STIM2: variants seen among roughly 807,000 people sequenced by gnomAD.
STIM2 encodes stromal interaction molecule 2.
Under a neutral mutation model 85.8 loss-of-function variants are expected in STIM2, and 31 were observed. The ratio of observed to expected loss-of-function variants is 0.36; its 90% CI spans 0.27 to 0.49. STIM2 has a LOEUF of 0.49. Ranked by LOEUF, STIM2 falls within the 20% of genes least tolerant of loss-of-function variation. STIM2 has a pLI of 0.98. For missense variants in STIM2, 841 were observed against 927.6 expected, an observed-to-expected ratio of 0.91 and a Z score of 1.21; for synonymous variants, 356 against 331.1, an observed-to-expected ratio of 1.08 and a Z score of -0.82.
chr4:26,983,554 G>C (rs191009678), intron 3 of STIM2, among the ~76,000 whole-genome samples: 2 of 152,152 alleles, frequency 1.3e-5, no homozygotes, highest in Admixed American at 6.5e-5. Flanking sequence ...TCTGAGTACA[G>C]TTGCCTTGAA....
intron 1 of STIM2, among the ~76,000 whole-genome samples, chr4:26,869,024 GTAGCTTA>G (rs779725660): frequency 5.7e-4 from 86 of 152,166 alleles, no homozygotes; most frequent in Non-Finnish European, 1.1e-3. Context: ...GTCGTACGCT[GTAGCTTA>G]TGCCTGTAAT....
In STIM2 at chr4:26,909,115, G is replaced by A. The variant is rs146451426; in HGVS notation, c.152-10389G>A. ...AAAGATATTTTTGATAACTGTTAAGGTAACAGTAATATAACAAAAAGCTAG... is the reference window on the plus strand; with the variant it reads ...AAAGATATTTTTGATAACTGTTAAGATAACAGTAATATAACAAAAAGCTAG... On this transcript the variant is annotated intron_variant, in intron 1 of 11. Coordinates refer to ENST00000467087, the MANE Select transcript of STIM2 (RefSeq NM_020860.4). 3.2e-4 allele frequency among the ~76,000 whole-genome samples: 48 copies of A among 152,266 alleles called. No homozygotes were observed. The East Asian group carries it at 5.4e-3, about 17-fold the overall frequency.
intron 1 of STIM2, among the ~76,000 whole-genome samples, chr4:26,892,819 A>G (rs1226439763): frequency 6.6e-6 from 1 of 152,172 alleles, no homozygotes; most frequent in Non-Finnish European, 1.5e-5. Context: ...GCTAAAAACA[A>G]ACTACTTCTG....
At chr4:26,962,038 ACCACACCCAGCCT>A (rs1726492774) in intron 3 of STIM2, among the ~76,000 whole-genome samples, 1 of 152,208 alleles carries the variant, frequency 6.6e-6, no homozygotes. Context: ...GGTGGGAGTC[ACCACACCCAGCCT>A]CCTTCTTTAG....
chr4:26,957,775 C>T (rs1195579762), intron 3 of STIM2, 49 bp downstream of exon 3: 2 of 1,183,378 alleles, frequency 1.7e-6, no homozygotes, highest in African/African-American at 3.1e-5. Context: ...CACATCTAGC[C>T]TGCTTAGTTG....
chr4:26,934,671 C>T (rs1255371835), intron 2 of STIM2, among the ~76,000 whole-genome samples: 5 of 152,064 alleles, frequency 3.3e-5, no homozygotes, highest in Admixed American at 2.0e-4. Flanking sequence ...CCCAGCACTT[C>T]GGGAGGCCGA....
chr4:26,895,234 A>G (rs369407862), intron 1 of STIM2, among the ~76,000 whole-genome samples: 1 of 152,182 alleles, frequency 6.6e-6, no homozygotes, highest in Admixed American at 6.5e-5. Context: ...AAATACATAA[A>G]TAAGTATTTG....
At chr4:26,913,035 C>G (rs1724399764) in intron 1 of STIM2, among the ~76,000 whole-genome samples, 1 of 152,288 alleles carries the variant, frequency 6.6e-6, no homozygotes, top group East Asian at 1.9e-4. Flanking sequence ...CCTTACCACT[C>G]TCAGTTGAGA....
At chr4:26,879,652 C>T (rs1414749309) in intron 1 of STIM2, among the ~76,000 whole-genome samples, 1 of 152,092 alleles carries the variant, frequency 6.6e-6, no homozygotes, top group Non-Finnish European at 1.5e-5. Context: ...TGCCCATTAT[C>T]TCATAGATAG....
chr4:27,000,261 C>T (rs1320731837), intron 5 of STIM2, among the ~76,000 whole-genome samples: 1 of 152,050 alleles, frequency 6.6e-6, no homozygotes, highest in Admixed American at 6.6e-5. Flanking sequence ...ACTGGTGGTT[C>T]TTTTTTGGCT....
intron 1 of STIM2, among the ~76,000 whole-genome samples, chr4:26,909,715 T>G (rs906735398): frequency 3.9e-5 from 6 of 152,236 alleles, no homozygotes; most frequent in African/African-American, 1.4e-4. Context: ...TAACCGTTTT[T>G]GAGCATACAA....
At chr4:26,889,542 C>T (rs150475858) in intron 1 of STIM2, among the ~76,000 whole-genome samples, 2 of 152,284 alleles carry the variant, frequency 1.3e-5, no homozygotes, top group Non-Finnish European at 2.9e-5. Flanking sequence ...AACAGTGCCC[C>T]ATTCATGATG....
At chr4:26,970,032 A>G (rs532008731) in intron 3 of STIM2, among the ~76,000 whole-genome samples, 3 of 151,402 alleles carry the variant, frequency 2.0e-5, no homozygotes, top group African/African-American at 7.3e-5. Flanking sequence ...TAATCTTTTT[A>G]TTTAAAATAG....
chr4:26,933,931 C>T (rs1169147443), intron 2 of STIM2, among the ~76,000 whole-genome samples: 1 of 152,062 alleles, frequency 6.6e-6, no homozygotes, highest in Admixed American at 6.6e-5. Context: ...CATTGGCTCA[C>T]GCCTGTAATC....
intron 2 of STIM2, among the ~76,000 whole-genome samples, chr4:26,949,097 C>T (rs1454591505): frequency 6.6e-6 from 1 of 151,994 alleles, no homozygotes; most frequent in East Asian, 1.9e-4. Flanking sequence ...AATAGAATTG[C>T]TTTTCTTTTT....
intron 11 of STIM2, among the ~76,000 whole-genome samples, chr4:27,020,072 C>G (rs1234394811): frequency 2.0e-5 from 3 of 152,186 alleles, no homozygotes; most frequent in Non-Finnish European, 2.9e-5. Flanking sequence ...AAGTGATTTA[C>G]TGAGGCTTTT....
At position 26,860,925 on chromosome 4, in the gene STIM2, T is replaced by TG; in HGVS notation, c.-294_-293insG. On this transcript the variant is annotated 5_prime_UTR_variant, in exon 1 of 12. Coordinates refer to ENST00000467087, the MANE Select transcript of STIM2 (RefSeq NM_020860.4). ...ACGCCGTACCTTTCTACCCCCCACC[T>TG]TTTTTTTTTTTTTTTTTAAATAACC... 1.5e-4 allele frequency: 1 copy of TG among 6,574 alleles called. No individual in the cohort carries two copies. The highest frequency in any genetic ancestry group is 2.8e-4 in the Non-Finnish European group (1 of 3,628). 0.4% of individuals were successfully genotyped at this position (6,574 alleles called of 1,614,324 possible). A position where few individuals can be genotyped will look rare whatever the true frequency, so the allele number is the denominator to read the frequency against.
chr4:27,002,204 A>G lies in STIM2; in HGVS notation c.626-13A>G, dbSNP rs571364383. 5.1e-6 allele frequency: 8 copies of G among 1,577,664 alleles called. No individual in the cohort carries two copies. Among genetic ancestry groups the G allele is most frequent in the Non-Finnish European group, 6.9e-6 (8 of 1,167,476 alleles). On this transcript the variant is annotated splice_polypyrimidine_tract_variant and intron_variant, in intron 5 of 11. Coordinates refer to ENST00000467087, the MANE Select transcript of STIM2 (RefSeq NM_020860.4). ...TCAAAGATTAATTTAATCATCTGTA[A>G]TTCTTTTAATAGGCCCACCTCATAA...
chr4:26,905,106 G>A (rs1469902129), intron 1 of STIM2, among the ~76,000 whole-genome samples: 1 of 152,086 alleles, frequency 6.6e-6, no homozygotes, highest in Non-Finnish European at 1.5e-5. Flanking sequence ...TAGGAAGGAG[G>A]CATTGGAGTT....
Sources: allele counts gnomAD v4.1 joint callset (sites outside exome capture counted in the v4.1 genomes callset), GRCh38; gene constraint gnomAD v4.1.1; transcripts MANE v1.5; gene names NCBI Gene and HGNC (gene_info 2026-07-23, HGNC 2026-07-21).